Variants in SEMA5A observed in about 807,000 individuals in gnomAD.
SEMA5A encodes the protein semaphorin 5A.
SEMA5A carries 55 observed loss-of-function variants against 135.5 expected under a neutral mutation model. The ratio of observed to expected loss-of-function variants is 0.41; its 90% CI spans 0.33 to 0.51. SEMA5A has a LOEUF of 0.51. SEMA5A is among the 20% of genes least tolerant of loss of function. SEMA5A has a pLI of 0.37. For missense variants in SEMA5A, 1,290 were observed against 1,419.9 expected, an observed-to-expected ratio of 0.91 and a Z score of 1.47; for synonymous variants, 580 against 546.5, an observed-to-expected ratio of 1.06 and a Z score of -0.85.
intron 3 of SEMA5A, among the ~76,000 whole-genome samples, chr5:9,362,099 G>T (rs916237339): frequency 4.6e-5 from 7 of 152,100 alleles, no homozygotes; most frequent in Non-Finnish European, 1.5e-5. Context: ...TCGTCTTGGG[G>T]GGTGAATCTG....
intron 8 of SEMA5A, among the ~76,000 whole-genome samples, chr5:9,222,883 ATGACC>A (rs1417469352): frequency 1.3e-5 from 2 of 152,206 alleles, no homozygotes; most frequent in African/African-American, 4.8e-5. Context: ...AACTCATACT[ATGACC>A]TGAATTGTTT....
intron 3 of SEMA5A, among the ~76,000 whole-genome samples, chr5:9,356,823 GT>G (rs746626373): frequency 6.6e-6 from 1 of 152,174 alleles, no homozygotes; most frequent in Non-Finnish European, 1.5e-5. Context: ...AAATAAAGCA[GT>G]TATTGTCTAA....
intron 2 of SEMA5A, among the ~76,000 whole-genome samples, chr5:9,399,368 G>T (rs1340532504): frequency 6.6e-6 from 1 of 152,138 alleles, no homozygotes; most frequent in African/African-American, 2.4e-5. Context: ...AGGCACAATA[G>T]GCCACACATT....
chr5:9,215,707 G>A (rs1382442708), intron 8 of SEMA5A, among the ~76,000 whole-genome samples: 2 of 151,972 alleles, frequency 1.3e-5, no homozygotes, highest in Non-Finnish European at 2.9e-5. Context: ...AGTTTCTGAT[G>A]GTTATTTTTA....
At chr5:9,084,258 T>C (rs1268903107) in intron 16 of SEMA5A, among the ~76,000 whole-genome samples, 1 of 152,202 alleles carries the variant, frequency 6.6e-6, no homozygotes, top group Non-Finnish European at 1.5e-5. Context: ...TAGAGTATGA[T>C]GGTGGCCTTC....
chr5:9,131,258 G>A (rs886413672), intron 13 of SEMA5A, among the ~76,000 whole-genome samples: 1 of 152,132 alleles, frequency 6.6e-6, no homozygotes, highest in Non-Finnish European at 1.5e-5. Context: ...AAGGTGAAAG[G>A]GGAGCAGATG....
chr5:9,185,657 T>C (rs773078963), intron 11 of SEMA5A, among the ~76,000 whole-genome samples: 15 of 152,254 alleles, frequency 9.9e-5, no homozygotes, highest in Non-Finnish European at 1.8e-4. Context: ...TTTAGTATAT[T>C]CTGAGTTGTG....
chr5:9,480,429 A>G (rs1759832307), intron 1 of SEMA5A, among the ~76,000 whole-genome samples: 1 of 152,032 alleles, frequency 6.6e-6, no homozygotes, highest in Non-Finnish European at 1.5e-5. Flanking sequence ...AACTGCTGCT[A>G]TTCTGGGGGT....
At chr5:9,200,877 A>G (rs941388477) in intron 9 of SEMA5A, among the ~76,000 whole-genome samples, 1 of 152,192 alleles carries the variant, frequency 6.6e-6, no homozygotes. Flanking sequence ...CAGAAAGGAC[A>G]TCATAGGGTG....
Position 9,239,892 on chromosome 5 carries a change from G to A in SEMA5A, c.271-2002C>T, listed in dbSNP as rs1806001. ...ATAAACATGAAAGCTATAAAGAGAA[G>A]GATTAGTCCCAGGGCTAAGGAAGAA... On this transcript the variant is annotated intron_variant, in intron 5 of 22. Transcript: ENST00000382496. 8.3e-3 allele frequency among the ~76,000 whole-genome samples: 1,256 copies of A among 152,044 alleles called. 14 individuals carry two copies. Among genetic ancestry groups the A allele is most frequent in the African/African-American group, 0.029 (1,209 of 41,500 alleles).
chr5:9,143,794 T>C (rs890356214), intron 12 of SEMA5A, among the ~76,000 whole-genome samples: 7 of 128,878 alleles, frequency 5.4e-5, no homozygotes, highest in African/African-American at 7.9e-5. Flanking sequence ...CACTGAATCC[T>C]GAGCTGTTTA....
chr5:9,147,288 C>T (rs1742390203), intron 12 of SEMA5A, among the ~76,000 whole-genome samples: 1 of 152,028 alleles, frequency 6.6e-6, no homozygotes, highest in Admixed American at 6.6e-5. Flanking sequence ...TTTTCCTTTT[C>T]TTTTTCTTTT....
chr5:9,395,849 C>T (rs145696862), intron 2 of SEMA5A, among the ~76,000 whole-genome samples: 2,852 of 152,212 alleles, frequency 0.019, 47 homozygotes, highest in South Asian at 0.038. Flanking sequence ...TCAAGAAAAT[C>T]CCTGCAGTTC....
intron 11 of SEMA5A, among the ~76,000 whole-genome samples, chr5:9,173,408 G>T (rs1325844802): frequency 6.6e-6 from 1 of 151,824 alleles, no homozygotes; most frequent in Admixed American, 6.6e-5. Context: ...AGACTGGGGG[G>T]GTTATCAACA....
intron 2 of SEMA5A, among the ~76,000 whole-genome samples, chr5:9,395,397 C>T (rs575866318): frequency 6.6e-6 from 1 of 152,126 alleles, no homozygotes; most frequent in Non-Finnish European, 1.5e-5. Flanking sequence ...AAGTTATGTT[C>T]AGAATGTGTG....
At chr5:9,202,262 G>A in intron 8 of SEMA5A, 22 bp from the exon 9 acceptor site, 2 of 1,601,944 alleles carry the variant, frequency 1.2e-6, no homozygotes, top group South Asian at 2.2e-5. Context: ...AGAAAAGAGG[G>A]AAAAAATCTC....
At chr5:9,501,428 A>G (rs928276122) in intron 1 of SEMA5A, among the ~76,000 whole-genome samples, 1 of 152,236 alleles carries the variant, frequency 6.6e-6, no homozygotes, top group African/African-American at 2.4e-5. Context: ...TGTATTAAGT[A>G]TACATATAAA....
chr5:9,103,062 C>T (rs1351652958), intron 16 of SEMA5A, among the ~76,000 whole-genome samples: 1 of 152,132 alleles, frequency 6.6e-6, no homozygotes, highest in Non-Finnish European at 1.5e-5. Flanking sequence ...TCCCATTAAT[C>T]TCACTGTTCT....
intron 1 of SEMA5A, among the ~76,000 whole-genome samples, chr5:9,486,595 A>G (rs921473199): frequency 2.0e-5 from 3 of 152,182 alleles, no homozygotes; most frequent in African/African-American, 7.2e-5. Context: ...CCACTGAATG[A>G]AAGTTCTAGA....
Sources: allele counts gnomAD v4.1 joint callset (sites outside exome capture counted in the v4.1 genomes callset), GRCh38; gene constraint gnomAD v4.1.1; transcripts MANE v1.5; gene names NCBI Gene and HGNC (gene_info 2026-07-23, HGNC 2026-07-21).